Variants in RAD51B observed in about 807,000 individuals in gnomAD.
The protein encoded by RAD51B is RAD51 paralog B, also known as DNA repair protein RAD51 homolog 2.
Under a neutral mutation model 42.2 loss-of-function variants are expected in RAD51B, and 38 were observed. The observed-to-expected ratio is 0.90, with a 90% CI of 0.70 to 1.18. The LOEUF (loss-of-function observed/expected upper bound fraction) is 1.18, where lower values mean the gene tolerates loss of function less well. Among genes scored for constraint, RAD51B ranks in the 50% most tolerant of loss-of-function variants. The pLI is 0.00. For missense variants in RAD51B, 373 were observed against 400.7 expected (o/e 0.93, Z 0.59); for synonymous variants, 154 against 145.2 (o/e 1.06, Z -0.43).
At chr14:68,092,832 G>C (rs10145820) in intron 7 of RAD51B, among the ~76,000 whole-genome samples, 9,152 of 151,992 alleles carry the variant, frequency 0.06, 648 homozygotes, top group African/African-American at 0.17. Context: ...TATTGGCTGT[G>C]GGTTTGTCAT....
intron 10 of RAD51B, among the ~76,000 whole-genome samples, chr14:68,486,732 C>T (rs1167377113): frequency 1.3e-5 from 2 of 152,200 alleles, no homozygotes; most frequent in African/African-American, 2.4e-5. Context: ...TTGGATGAAC[C>T]TTAAGCCACC....
intron 7 of RAD51B, among the ~76,000 whole-genome samples, chr14:68,165,373 C>T (rs889336723): frequency 2.0e-5 from 3 of 152,130 alleles, no homozygotes; most frequent in Admixed American, 1.3e-4. Context: ...TACATAGTGG[C>T]ATGCAAGCTT....
chr14:68,674,056 A>T (rs779595652), intron 11 of RAD51B, among the ~76,000 whole-genome samples: 3 of 152,124 alleles, frequency 2.0e-5, no homozygotes, highest in Non-Finnish European at 4.4e-5. Context: ...ACATCCACAC[A>T]CATATACACA....
In RAD51B at chr14:68,057,821, T is replaced by TTGTGTGTGTG. The variant is rs140213534; in HGVS notation, c.756+170645_756+170654dup. On this transcript the variant is annotated intron_variant, in intron 7 of 10. Transcript: ENST00000471583. The stretch of plus-strand genomic sequence containing the variant: ...AATGTGACTGTAACCTTTTAGTTCT[T>TTGTGTGTGTG]TGTGTGTGTGTGTGTGTGTGTGTGT... Among the ~76,000 whole-genome samples the TTGTGTGTGTG allele has an allele frequency of 8.5e-3, 1,183 of 138,658 alleles. 8 individuals are homozygous for TTGTGTGTGTG. The highest frequency in any genetic ancestry group is 0.029 in the African/African-American group (1,114 of 38,132). 91.0% of individuals were successfully genotyped at this position (138,658 alleles called of 152,430 possible). A position where few individuals can be genotyped will look rare whatever the true frequency, so the allele number is the denominator to read the frequency against.
chr14:68,172,394 G>T (rs1156675179), intron 7 of RAD51B, among the ~76,000 whole-genome samples: 3 of 152,084 alleles, frequency 2.0e-5, no homozygotes, highest in African/African-American at 7.2e-5. Context: ...CATTAGCCAG[G>T]GCCCAATTCA....
chr14:68,460,174 G>A (rs778121047), intron 9 of RAD51B, among the ~76,000 whole-genome samples: 2 of 151,854 alleles, frequency 1.3e-5, no homozygotes, highest in East Asian at 1.9e-4. Context: ...CCTCCAGGCC[G>A]GGCACAGTGG....
At chr14:68,163,492 G>A (rs942461621) in intron 7 of RAD51B, among the ~76,000 whole-genome samples, 11 of 152,058 alleles carry the variant, frequency 7.2e-5, no homozygotes, top group Admixed American at 3.3e-4. Flanking sequence ...CATGCCTGTC[G>A]TGCCCATTTT....
chr14:68,429,657 C>T (rs2084949287), intron 9 of RAD51B, among the ~76,000 whole-genome samples: 1 of 152,142 alleles, frequency 6.6e-6, no homozygotes, highest in South Asian at 2.1e-4. Flanking sequence ...AGCCCTTTGT[C>T]AGATGAGTAG....
At chr14:68,282,455 G>A (rs760035610) in intron 7 of RAD51B, among the ~76,000 whole-genome samples, 1 of 152,166 alleles carries the variant, frequency 6.6e-6, no homozygotes, top group African/African-American at 2.4e-5. Flanking sequence ...TTCTTCTTAT[G>A]TGTGTCTCCT....
intron 10 of RAD51B, among the ~76,000 whole-genome samples, chr14:68,505,336 T>C (rs1297924780): frequency 2.0e-5 from 3 of 151,896 alleles, no homozygotes; most frequent in Admixed American, 2.0e-4. Context: ...CAGAGGTGAG[T>C]GGGGTAGTTT....
At position 68,546,065 on chromosome 14, in the gene RAD51B, A is replaced by G. The variant is rs76195363; in HGVS notation, c.1037-48420A>G. 2.5e-3 allele frequency among the ~76,000 whole-genome samples: 380 copies of G among 152,314 alleles called. 1 individual carries two copies. The highest frequency in any genetic ancestry group is 8.9e-3 in the African/African-American group (371 of 41,566). On this transcript the variant is annotated intron_variant, in intron 10 of 10. Transcript: ENST00000487270. ...CGAGGACAGGGACCCTACTGTATCC[A>G]CCACTGTATTCCCAGTTCTGGGCAC...
intron 8 of RAD51B, chr14:68,339,099 G>C (rs982351457): frequency 3.5e-5 from 24 of 689,130 alleles, no homozygotes; most frequent in Non-Finnish European, 5.3e-5. Flanking sequence ...CACCAAGGTG[G>C]TGACCATGTT....
chr14:68,126,787 C>T (rs2077769334), intron 7 of RAD51B, among the ~76,000 whole-genome samples: 1 of 152,138 alleles, frequency 6.6e-6, no homozygotes, highest in Non-Finnish European at 1.5e-5. Context: ...GTCTACTTTC[C>T]CAGACTTAAA....
intron 8 of RAD51B, among the ~76,000 whole-genome samples, chr14:68,331,517 A>G (rs987208376): frequency 6.6e-6 from 1 of 151,156 alleles, no homozygotes; most frequent in Non-Finnish European, 1.5e-5. Context: ...GAGTTCTACT[A>G]TGTGGCAAGT....
At chr14:68,597,803 T>TAAAA (rs11423187), downstream of RAD51B, among the ~76,000 whole-genome samples, 3 of 143,508 alleles carry the variant, frequency 2.1e-5, no homozygotes, top group African/African-American at 5.2e-5. Context: ...AAATACAAGT[T>TAAAA]AAAAAAAAAA....
chr14:68,036,210 C>T (rs952325259), intron 7 of RAD51B, among the ~76,000 whole-genome samples: 1 of 152,168 alleles, frequency 6.6e-6, no homozygotes, highest in Non-Finnish European at 1.5e-5. Flanking sequence ...TATGTGTCTC[C>T]ATCTTTATTT....
intron 10 of RAD51B, among the ~76,000 whole-genome samples, chr14:68,490,877 A>G (rs1324675455): frequency 6.6e-6 from 1 of 152,078 alleles, no homozygotes; most frequent in African/African-American, 2.4e-5. Flanking sequence ...GAGAGCGGGG[A>G]GTTAGAAAAA....
chr14:67,915,344 T>G (rs1226769787), intron 7 of RAD51B, among the ~76,000 whole-genome samples: 1 of 152,214 alleles, frequency 6.6e-6, no homozygotes, highest in Non-Finnish European at 1.5e-5. Flanking sequence ...AAGCTTTTAT[T>G]GGATAGATTT....
At chr14:68,257,077 T>C (rs1030703336) in intron 7 of RAD51B, among the ~76,000 whole-genome samples, 1 of 152,186 alleles carries the variant, frequency 6.6e-6, no homozygotes, top group Non-Finnish European at 1.5e-5. Context: ...TTTGAAAACA[T>C]GCTGAGTGAA....
Sources: allele counts gnomAD v4.1 joint callset (sites outside exome capture counted in the v4.1 genomes callset), GRCh38; gene constraint gnomAD v4.1.1; transcripts MANE v1.5; gene names NCBI Gene and HGNC (gene_info 2026-07-23, HGNC 2026-07-21).